Variants in CLRN1 observed in about 807,000 individuals in gnomAD.
CLRN1 encodes the protein clarin-1.
CLRN1 carries 15 observed loss-of-function variants against 18.7 expected under a neutral mutation model. That is an observed-to-expected ratio of 0.80 (90% CI 0.54 to 1.23). The LOEUF (loss-of-function observed/expected upper bound fraction) is 1.23, where lower values mean the gene tolerates loss of function less well. CLRN1 is among the 50% of genes most tolerant of loss of function. The pLI is 0.00. For synonymous variants in CLRN1, 104 were observed against 102.9 expected (o/e 1.01, Z -0.07); for missense variants, 311 against 277.5 (o/e 1.12, Z -0.86).
chr3:150,948,924 G>A (rs1042584119), intron 1 of CLRN1, among the ~76,000 whole-genome samples: 9 of 152,060 alleles, frequency 5.9e-5, no homozygotes, highest in African/African-American at 1.4e-4. Context: ...ACTTCAGGCC[G>A]ATATCCGTGA....
At chr3:150,961,003 T>C (rs1714999711) in intron 1 of CLRN1, among the ~76,000 whole-genome samples, 1 of 152,212 alleles carries the variant, frequency 6.6e-6, no homozygotes, top group Admixed American at 6.5e-5. Flanking sequence ...GAGCCAAGTG[T>C]GCTCAGTTTC....
At chr3:150,928,648 C>T (rs1026741768) in intron 2 of CLRN1, among the ~76,000 whole-genome samples, 2 of 152,228 alleles carry the variant, frequency 1.3e-5, no homozygotes, top group African/African-American at 4.8e-5. Context: ...AATCATGCAG[C>T]CTCTTGTGAA....
chr3:150,933,316 A>G (rs1713260437), intron 2 of CLRN1, among the ~76,000 whole-genome samples: 1 of 152,160 alleles, frequency 6.6e-6, no homozygotes, highest in African/African-American at 2.4e-5. Context: ...AGTACATTCA[A>G]TGGTTTATCA....
chr3:150,938,333 T>A (rs1321950192), intron 2 of CLRN1, among the ~76,000 whole-genome samples: 6 of 152,152 alleles, frequency 3.9e-5, no homozygotes, highest in African/African-American at 9.7e-5. Context: ...TCTGAGTGTG[T>A]GACGCATTGG....
In CLRN1 at chr3:150,972,520, G is replaced by A. The variant is rs111033267; in HGVS notation, c.189C>T (p.Tyr63=). The A allele has an allele frequency of 2.5e-6, 4 of 1,614,176 alleles. No individual in the cohort carries two copies. Among genetic ancestry groups the A allele is most frequent in the African/African-American group, 2.7e-5 (2 of 75,026 alleles). Residue 63 remains tyrosine, a synonymous_variant, in exon 1 of 3, where the codon TAC becomes TAT. Coordinates refer to ENST00000327047, the MANE Select transcript of CLRN1 (RefSeq NM_174878.3). ...ELDKFMGEMQ[Y]GLFHGEGVRQ... is the part of the protein sequence containing the mutation. ...TCACACCCTCTCCGTGGAAAAGCCC[G>A]TACTGCATTTCACCCATAAACTTGT...
chr3:150,951,200 A>G (rs11712750), intron 1 of CLRN1, among the ~76,000 whole-genome samples: 62,588 of 151,994 alleles, frequency 0.41, 13,333 homozygotes, highest in East Asian at 0.68. Flanking sequence ...ACAAATCCTC[A>G]TGACAGGAGT....
At position 150,927,853 on chromosome 3, in the gene CLRN1, TA is replaced by T; in HGVS notation, c.*82del. 1 of 1,510,010 alleles carries T rather than the reference TA, an allele frequency of 6.6e-7. No individual in the cohort carries two copies. Among genetic ancestry groups the T allele is most frequent in the Non-Finnish European group, 9.2e-7 (1 of 1,087,872 alleles). 93.5% of individuals were successfully genotyped at this position (1,510,010 alleles called of 1,614,324 possible). A position where few individuals can be genotyped will look rare whatever the true frequency, so the allele number is the denominator to read the frequency against. On this transcript the variant is annotated 3_prime_UTR_variant, in exon 3 of 3. Coordinates refer to ENST00000327047, the MANE Select transcript of CLRN1 (RefSeq NM_174878.3). ...TCCTGATGCTTTAATATATGCAGAC[TA>T]AAAGGATATGCAAAATTAACCACAT...
intron 1 of CLRN1, among the ~76,000 whole-genome samples, chr3:150,957,266 CA>C (rs1258953998): frequency 6.6e-5 from 10 of 151,538 alleles, no homozygotes; most frequent in Admixed American, 5.9e-4. Flanking sequence ...CACACACACA[CA>C]CACACCACCC....
chr3:150,953,696 T>G (rs1714599076), intron 1 of CLRN1, among the ~76,000 whole-genome samples: 1 of 152,070 alleles, frequency 6.6e-6, no homozygotes, highest in South Asian at 2.1e-4. Context: ...TTTTGTATTT[T>G]TAGTAGAGAC....
chr3:150,941,161 T>TATCTATCTATCC (rs1713808147), intron 2 of CLRN1, among the ~76,000 whole-genome samples: 1 of 116,140 alleles, frequency 8.6e-6, no homozygotes, highest in African/African-American at 2.7e-5. Context: ...TCTATCTATC[T>TATCTATCTATCC]ATCTATCTAT....
chr3:150,966,980 C>T (rs967235087), intron 1 of CLRN1, among the ~76,000 whole-genome samples: 1 of 152,192 alleles, frequency 6.6e-6, no homozygotes, highest in Admixed American at 6.5e-5. Context: ...AGTATCGTCT[C>T]CCATATACAG....
chr3:150,929,391 C>T (rs985388578), intron 2 of CLRN1, among the ~76,000 whole-genome samples: 11 of 152,274 alleles, frequency 7.2e-5, no homozygotes, highest in East Asian at 1.9e-4. Context: ...GACTCTACAG[C>T]GCTTCCACAG....
chr3:150,960,594 A>G (rs1041670534), intron 1 of CLRN1, among the ~76,000 whole-genome samples: 1 of 152,114 alleles, frequency 6.6e-6, no homozygotes, highest in African/African-American at 2.4e-5. Context: ...TTTCCTTACT[A>G]TCTGATATAT....
chr3:150,957,817 C>T (rs532922501), intron 1 of CLRN1, among the ~76,000 whole-genome samples: 33 of 152,186 alleles, frequency 2.2e-4, no homozygotes, highest in African/African-American at 7.2e-4. Flanking sequence ...CCACCACGCC[C>T]GGCTAATTTT....
intron 2 of CLRN1, 48 bp from the exon 3 acceptor site, chr3:150,928,249 A>C (rs1416881356): frequency 6.2e-7 from 1 of 1,608,908 alleles, no homozygotes; most frequent in Non-Finnish European, 8.5e-7. Context: ...CCTGATTGTA[A>C]GGGACAGGGA....
At chr3:150,938,851 T>C (rs1311114072) in intron 2 of CLRN1, among the ~76,000 whole-genome samples, 6 of 152,246 alleles carry the variant, frequency 3.9e-5, no homozygotes, top group African/African-American at 1.4e-4. Flanking sequence ...CATATATTTG[T>C]GTGCTCAGGT....
chr3:150,958,411 C>A lies in CLRN1; in HGVS notation c.253+14045G>T, dbSNP rs549789814. 2.0e-5 allele frequency among the ~76,000 whole-genome samples: 3 copies of A among 152,302 alleles called. 1 individual carries two copies. Among genetic ancestry groups the A allele is most frequent in the African/African-American group, 7.2e-5 (3 of 41,566 alleles). The stretch of plus-strand genomic sequence containing the variant: ...ATTTTCTTCCAATCCATCTTCTGTC[C>A]TGTCACATAGCTGCTTGCCTTCCTT... On this transcript the variant is annotated intron_variant, in intron 1 of 2. Transcript: ENST00000327047.
At chr3:150,951,071 T>G (rs920924391) in intron 1 of CLRN1, among the ~76,000 whole-genome samples, 2 of 152,102 alleles carry the variant, frequency 1.3e-5, no homozygotes, top group Non-Finnish European at 2.9e-5. Context: ...ATGTTCTCAC[T>G]TATACGTGGG....
At chr3:150,943,797 C>T (rs766904698) in intron 1 of CLRN1, 5 of 1,614,050 alleles carry the variant, frequency 3.1e-6, no homozygotes, top group Middle Eastern at 1.7e-4. Flanking sequence ...CCTCTGGGGC[C>T]CTGGGGTTGC....
Sources: allele counts gnomAD v4.1 joint callset (sites outside exome capture counted in the v4.1 genomes callset), GRCh38; gene constraint gnomAD v4.1.1; transcripts MANE v1.5; gene names NCBI Gene and HGNC (gene_info 2026-07-23, HGNC 2026-07-21).